The following PSMD2 variants were observed in gnomAD, a reference collection of about 807,000 sequenced individuals.
PSMD2 encodes proteasome 26S subunit ubiquitin receptor, non-ATPase 2.
A neutral mutation model predicts 101.5 loss-of-function variants in PSMD2; 8 were observed. The ratio of observed to expected loss-of-function variants is 0.08; its 90% CI spans 0.05 to 0.14. PSMD2 has a LOEUF of 0.14. Ranked by LOEUF, PSMD2 falls within the 10% of genes least tolerant of loss-of-function variation. The pLI is 1.00. For synonymous variants in PSMD2, 418 were observed against 433.8 expected, an observed-to-expected ratio of 0.96 and a Z score of 0.45; for missense variants, 784 against 1,147.4, an observed-to-expected ratio of 0.68 and a Z score of 4.58.
At chr3:184,303,853 A>G in intron 10 of PSMD2, 94 bp from the exon 11 acceptor site, 2 of 1,603,516 alleles carry the variant, frequency 1.2e-6, no homozygotes, top group East Asian at 2.2e-5. Flanking sequence ...TTTTAACTCT[A>G]GTTAATAAGG....
chr3:184,301,768 C>A (rs1360551508), intron 4 of PSMD2, 79 bp from the exon 5 acceptor site: 1 of 1,608,696 alleles, frequency 6.2e-7, no homozygotes. Flanking sequence ...TTGAATTTCC[C>A]AGACGCTGGA....
intron 16 of PSMD2, 95 bp downstream of exon 16, chr3:184,306,929 C>A: frequency 2.0e-6 from 2 of 983,238 alleles, no homozygotes; most frequent in Non-Finnish European, 3.1e-6. Context: ...TGGTGGAGAG[C>A]TGGTCTTTTT....
chr3:184,303,026 C>A lies in PSMD2; in HGVS notation c.1033C>A (p.Pro345Thr). The change falls in exon 8 of 21, where the codon CCT (proline) becomes ACT (threonine). Residue 345 changes from proline to threonine, a missense_variant. By Grantham distance (38) the Pro-to-Thr change is conservative. Around this residue, in one of 6 missense-constraint regions of PSMD2, gnomAD observed 208 missense variants for 301.6 expected, o/e 0.69. Coordinates refer to ENST00000310118, the MANE Select transcript of PSMD2 (RefSeq NM_002808.5). ...GCTGGACATCATGGAGCCCAAGGTG[C>A]CTGATGACATCTACAAAACCCACCT... ...RELDIMEPKV[P>T]DDIYKTHLEN... 1.2e-6 allele frequency: 2 copies of A among 1,614,082 alleles called. No individual in the cohort carries two copies. Among genetic ancestry groups the A allele is most frequent in the Non-Finnish European group, 1.7e-6 (2 of 1,180,020 alleles).
At chr3:184,305,200 A>G (rs1429527133) in intron 12 of PSMD2, among the ~76,000 whole-genome samples, 1 of 152,118 alleles carries the variant, frequency 6.6e-6, no homozygotes, top group Non-Finnish European at 1.5e-5. Flanking sequence ...TTTCTCATCC[A>G]TAAAAGGGGA....
chr3:184,302,140 C>G, intron 5 of PSMD2, 69 bp downstream of exon 5: 1 of 1,493,720 alleles, frequency 6.7e-7, no homozygotes, highest in Non-Finnish European at 9.3e-7. Flanking sequence ...ATTGCGCCTC[C>G]TCTATTTTCC....
rs560237306 is a variant in PSMD2 at position 184,299,820 on chromosome 3, T to A, written c.136-31T>A. ...AGGAGGACGTCTTTGGGATTCCTTC[T>A]CTTCATGAGCTGCTTCTCCCAACCC... On this transcript the variant is annotated intron_variant, in intron 1 of 20. Transcript: ENST00000310118. The A allele has an allele frequency of 3.8e-6, 6 of 1,592,928 alleles. No homozygotes were observed. In the South Asian group the frequency reaches 5.5e-5, roughly 15 times the overall value.
At position 184,301,909 on chromosome 3, in the gene PSMD2, G is replaced by A. The variant is rs201776756; in HGVS notation, c.542G>A (p.Arg181Gln). The A allele has an allele frequency of 2.8e-4, 451 of 1,614,198 alleles. 2 individuals are homozygous for A. Among genetic ancestry groups the A allele is most frequent in the Admixed American group, 2.4e-3 (147 of 60,020 alleles). Residue 181 changes from arginine (R) to glutamine (Q), a missense_variant, in exon 5 of 21, where the codon CGG (arginine) becomes CAG (glutamine). This residue lies in a region of PSMD2 where 208 missense variants were observed against 301.6 expected (regional missense o/e 0.69). Coordinates refer to ENST00000310118, the MANE Select transcript of PSMD2 (RefSeq NM_002808.5). ...CTGGATGACGCAGAGAAGGTCCAGCGGGAGCCTCTGCTCACTCTGGTGAAG... is the reference window on the plus strand; with the variant it reads ...CTGGATGACGCAGAGAAGGTCCAGCAGGAGCCTCTGCTCACTCTGGTGAAG... ...QELDDAEKVQ[R>Q]EPLLTLVKEI...
intron 14 of PSMD2, 84 bp downstream of exon 14, chr3:184,306,239 T>C (rs1366282340): frequency 6.3e-7 from 1 of 1,596,564 alleles, no homozygotes; most frequent in East Asian, 2.2e-5. Flanking sequence ...TTGTTTCTCC[T>C]TTCTCCTTCA....
At chr3:184,302,097 G>A in intron 5 of PSMD2, 26 bp downstream of exon 5, 2 of 1,605,394 alleles carry the variant, frequency 1.2e-6, no homozygotes, top group Non-Finnish European at 1.7e-6. Flanking sequence ...AGGGAAGGGT[G>A]GCAGGCATGC....
In PSMD2 at chr3:184,303,756, C is replaced by T; in HGVS notation, c.1323+7C>T. ...CTCTGAGGACTACATTAAGGTTGGT[C>T]TGCATACAGCCTGCTCATGGGGACT... is the stretch of plus-strand genomic sequence containing the variant. On this transcript the variant is annotated splice_region_variant and intron_variant, in intron 10 of 20. Coordinates refer to ENST00000310118, the MANE Select transcript of PSMD2 (RefSeq NM_002808.5). 6.2e-7 allele frequency: 1 copy of T among 1,613,584 alleles called. No individual in the cohort carries two copies. The highest frequency in any genetic ancestry group is 2.2e-5 in the East Asian group (1 of 44,888).
chr3:184,301,022 G>A (rs1236943524), intron 3 of PSMD2, among the ~76,000 whole-genome samples: 1 of 151,942 alleles, frequency 6.6e-6, no homozygotes, highest in East Asian at 1.9e-4. Context: ...TCACCCTTCA[G>A]CTGTGTTAGT....
Position 184,308,823 on chromosome 3 carries a change from T to C in PSMD2, c.2660T>C (p.Phe887Ser). 3 of 1,613,308 alleles carry C rather than the reference T, an allele frequency of 1.9e-6. No individual in the cohort carries two copies. Among genetic ancestry groups the C allele is most frequent in the Non-Finnish European group, 2.5e-6 (3 of 1,180,026 alleles). ...GERAELATEE[F>S]LPVTPILEGF... ...CGGGCAGAATTGGCCACTGAGGAGT[T>C]TCTTCCTGTTACCCCCATTCTGGAA... is the stretch of plus-strand genomic sequence containing the variant. Residue 887 changes from phenylalanine (F) to serine (S), a missense_variant, in exon 21 of 21, where the codon TTT (phenylalanine) becomes TCT (serine). By Grantham distance (155) the Phe-to-Ser change is radical. Around this residue, in one of 6 missense-constraint regions of PSMD2, gnomAD observed 33 missense variants for 38.2 expected, o/e 0.86. Transcript: ENST00000310118. This position sits in a 1 kb window ranked among gnomAD's most constrained non-coding sequence, Gnocchi z 6.0.
chr3:184,306,608 A>C (rs1721840464), intron 15 of PSMD2, 113 bp downstream of exon 15: 2 of 1,537,844 alleles, frequency 1.3e-6, no homozygotes, highest in South Asian at 2.5e-5. Context: ...CATGTATTGA[A>C]ATAGCGTGTG....
At position 184,299,362 on chromosome 3, in the gene PSMD2, GC is replaced by G; in HGVS notation, c.97del (p.Arg33GlyfsTer31). ...CGGACGAGAAGCCGAGCGGCAAGGA[GC>G]GGCGGGATGCCGGGGACAAGGACAA... ...GTDEKPSGKE[R>X]RDAGDKDKEQ... is the part of the protein sequence containing the mutation. On this transcript the variant is annotated frameshift_variant, in exon 1 of 21. Coordinates refer to ENST00000310118, the MANE Select transcript of PSMD2 (RefSeq NM_002808.5). LOFTEE classifies it high-confidence loss of function. The G allele has an allele frequency of 7.1e-7, 1 of 1,408,754 alleles. No individual in the cohort carries two copies. Among genetic ancestry groups the G allele is most frequent in the Admixed American group, 3.1e-5 (1 of 32,546 alleles). 87.3% of individuals were successfully genotyped at this position (1,408,754 alleles called of 1,614,324 possible). A position where few individuals can be genotyped will look rare whatever the true frequency, so the allele number is the denominator to read the frequency against.
rs199831360 is a variant in PSMD2, at chr3:184,299,430, G to A, written c.135+29G>A. The A allele has an allele frequency of 4.5e-6, 6 of 1,331,038 alleles. No homozygotes were observed. The African/African-American group carries it at 4.6e-5, about 10-fold the overall frequency. The allele number at this position is 1,331,038 out of a possible 1,614,324, so 82.5% of individuals were successfully genotyped here. ...AGGCGCGACCCCGAGAGTCGGCGAA[G>A]GAGGCTGCGGGGCTGAGTCACGGCG... On this transcript the variant is annotated intron_variant, in intron 1 of 20. Coordinates refer to ENST00000310118, the MANE Select transcript of PSMD2 (RefSeq NM_002808.5).
At position 184,303,081 on chromosome 3, in the gene PSMD2, G is replaced by T. The variant is rs1358620182; in HGVS notation, c.1069+19G>T. 1.2e-6 allele frequency: 2 copies of T among 1,610,438 alleles called. No homozygotes were observed. The highest frequency in any genetic ancestry group is 2.2e-5 in the South Asian group (2 of 90,972). ...AACAACAGTGAGTAGCCCTCTCTGT[G>T]TATGGGATTTGGGGGATTGTAGGTA... On this transcript the variant is annotated intron_variant, in intron 8 of 20. Transcript: ENST00000310118.
In PSMD2 at chr3:184,300,308, C is replaced by T. The variant is rs751664178; in HGVS notation, c.221C>T (p.Ala74Val). 1.2e-6 allele frequency: 2 copies of T among 1,613,886 alleles called. No homozygotes were observed. Among genetic ancestry groups the T allele is most frequent in the East Asian group, 2.2e-5 (1 of 44,886 alleles). The change falls in exon 3 of 21, where the codon GCG (alanine) becomes GTG (valine). Residue 74 changes from alanine to valine, a missense_variant. By Grantham distance (64) the Ala-to-Val change is moderately conservative. Around this residue, in one of 6 missense-constraint regions of PSMD2, gnomAD observed 196 missense variants for 182.4 expected, o/e 1.07. Coordinates refer to ENST00000310118, the MANE Select transcript of PSMD2 (RefSeq NM_002808.5). ...AAGGATACATCCCTGTATCGACCAGCGCTGGAGGAATTGCGAAGGCAGATT... is the reference window on the plus strand; with the variant it reads ...AAGGATACATCCCTGTATCGACCAGTGCTGGAGGAATTGCGAAGGCAGATT... ...GEKDTSLYRP[A>V]LEELRRQIRS...
At chr3:184,299,964 ATTCTTTTTTGAGG>A in intron 2 of PSMD2, 57 bp downstream of exon 2, 1 of 1,538,674 alleles carries the variant, frequency 6.5e-7, no homozygotes, top group South Asian at 1.1e-5. Flanking sequence ...CACTTGTTTT[ATTCTTTTTTGAGG>A]CAACTGCTAT....
At position 184,299,347 on chromosome 3, in the gene PSMD2, G is replaced by A. The variant is rs1229440029; in HGVS notation, c.81G>A (p.Lys27=). ...CGGCCCCCGGCGGCACGGACGAGAA[G>A]CCGAGCGGCAAGGAGCGGCGGGATG... ...PAAAPGGTDE[K]PSGKERRDAG... The change falls in exon 1 of 21, where the codon AAG becomes AAA. Residue 27 remains lysine (K), a synonymous_variant. Coordinates refer to ENST00000310118, the MANE Select transcript of PSMD2 (RefSeq NM_002808.5). 2.1e-6 allele frequency: 3 copies of A among 1,415,916 alleles called. No individual in the cohort carries two copies. The highest frequency in any genetic ancestry group is 2.9e-5 in the South Asian group (2 of 69,680). The allele number at this position is 1,415,916 out of a possible 1,614,324, so 87.7% of individuals were successfully genotyped here.
Sources: gnomAD v4.1 joint callset for allele counts (sites outside exome capture counted in the v4.1 genomes callset) on GRCh38, gnomAD v4.1.1 for gene constraint, gnomAD v4.1.1 regional missense constraint, Gnocchi (gnomAD v3.1) non-coding constraint, MANE v1.5 for transcripts, NCBI Gene and HGNC (gene_info 2026-07-23, HGNC 2026-07-21) for gene names.